The following ELF1 variants were observed in gnomAD, a reference collection of about 807,000 sequenced individuals.
The protein encoded by ELF1 is ETS-related transcription factor Elf-1.
In ELF1, 24 loss-of-function variants were observed where a neutral mutation model predicts 59.9. The observed-to-expected ratio is 0.40, with a 90% confidence interval of 0.29 to 0.56. The LOEUF (loss-of-function observed/expected upper bound fraction) is 0.56, where lower values mean the gene tolerates loss of function less well. ELF1 is among the 20% of genes least tolerant of loss of function. The probability of loss-of-function intolerance (pLI) is 0.44; values close to 1 mark genes in which losing one functional copy is unlikely to be tolerated. For synonymous variants in ELF1, 248 were observed against 266.2 expected, an observed-to-expected ratio of 0.93 and a Z score of 0.67; for missense variants, 627 against 742.2, an observed-to-expected ratio of 0.84 and a Z score of 1.80.
At chr13:40,962,678 T>TC (rs1871913865) in intron 2 of ELF1, among the ~76,000 whole-genome samples, 1 of 118,778 alleles carries the variant, frequency 8.4e-6, no homozygotes, top group African/African-American at 3.4e-5. Flanking sequence ...GAAGACTGTC[T>TC]CAAAAAAAAA....
At chr13:41,002,441 G>C (rs9566653) in intron 1 of ELF1, among the ~76,000 whole-genome samples, 30,487 of 151,718 alleles carry the variant, frequency 0.2, 4,458 homozygotes, top group African/African-American at 0.4. Context: ...CCAAGAATTC[G>C]AGACCAGCCT....
chr13:40,975,720 T>A (rs1872865022), intron 2 of ELF1, among the ~76,000 whole-genome samples: 1 of 152,192 alleles, frequency 6.6e-6, no homozygotes, highest in African/African-American at 2.4e-5. Context: ...GTGGGCAAGG[T>A]ATCACCCTCT....
intron 1 of ELF1, among the ~76,000 whole-genome samples, chr13:41,026,360 T>C (rs1248785517): frequency 6.6e-6 from 1 of 152,202 alleles, no homozygotes; most frequent in Non-Finnish European, 1.5e-5. Context: ...CATTCCTCAT[T>C]TGAGTGTTAC....
At chr13:40,949,132 C>A (rs1870685999) in intron 5 of ELF1, among the ~76,000 whole-genome samples, 1 of 151,864 alleles carries the variant, frequency 6.6e-6, no homozygotes, top group Non-Finnish European at 1.5e-5. Context: ...ATTACAGGCA[C>A]CTGTCAACAT....
chr13:41,042,070 T>C (rs1206597585), intron 1 of ELF1, among the ~76,000 whole-genome samples: 1 of 152,204 alleles, frequency 6.6e-6, no homozygotes, highest in East Asian at 1.9e-4. Flanking sequence ...TCACACAGGC[T>C]GGAGTGCAGT....
chr13:40,995,324 A>AACTCC (rs1339144167), intron 1 of ELF1, among the ~76,000 whole-genome samples: 1 of 152,170 alleles, frequency 6.6e-6, no homozygotes, highest in African/African-American at 2.4e-5. Context: ...CTACAGGCAA[A>AACTCC]ACTCCAAATG....
chr13:40,999,155 G>A (rs1874274794), intron 1 of ELF1, among the ~76,000 whole-genome samples: 1 of 152,196 alleles, frequency 6.6e-6, no homozygotes, highest in Non-Finnish European at 1.5e-5. Context: ...TCAGCACTGT[G>A]GAAAATATAA....
At chr13:41,036,292 T>C (rs1304374851) in intron 1 of ELF1, among the ~76,000 whole-genome samples, 1 of 152,340 alleles carries the variant, frequency 6.6e-6, no homozygotes. Context: ...GATTTTAGAC[T>C]CTGGCTTTAT....
chr13:40,936,440 C>G lies in ELF1; in HGVS notation c.1257-2412G>C, dbSNP rs61242690. On this transcript the variant is annotated intron_variant, in intron 8 of 8. Transcript: ENST00000239882. Reference sequence around the variant, plus strand: ...GGCTACCACTAGGACTTCGCTGCTTCTGTTTAAATTAGAAAAAGATGTCCT... The same window carrying G: ...GGCTACCACTAGGACTTCGCTGCTTGTGTTTAAATTAGAAAAAGATGTCCT... Among the ~76,000 whole-genome samples the G allele has an allele frequency of 7.0e-3, 1,068 of 152,228 alleles. 11 individuals are homozygous for G. Among genetic ancestry groups the G allele is most frequent in the African/African-American group, 0.025 (1,020 of 41,522 alleles).
At chr13:40,943,521 T>G (rs1457187574) in intron 6 of ELF1, among the ~76,000 whole-genome samples, 1 of 152,212 alleles carries the variant, frequency 6.6e-6, no homozygotes, top group Admixed American at 6.5e-5. Context: ...TGGGCAACAG[T>G]TATACAAATG....
intron 1 of ELF1, among the ~76,000 whole-genome samples, chr13:41,038,414 G>A (rs921117588): frequency 1.6e-4 from 24 of 152,172 alleles, no homozygotes; most frequent in Admixed American, 1.0e-3. Context: ...CTACTGGGGA[G>A]GCTGAGGCAG....
chr13:40,979,906 C>A (rs1445834985), intron 2 of ELF1, among the ~76,000 whole-genome samples: 1 of 152,106 alleles, frequency 6.6e-6, no homozygotes, highest in Non-Finnish European at 1.5e-5. Context: ...TAGGTGACTT[C>A]TTTTATTAAT....
chr13:40,957,530 A>C (rs1410648816), intron 3 of ELF1, among the ~76,000 whole-genome samples: 1 of 151,710 alleles, frequency 6.6e-6, no homozygotes, highest in African/African-American at 2.4e-5. Flanking sequence ...AAAGAAAAAA[A>C]AGAAAGTGTG....
upstream of ELF1, among the ~76,000 whole-genome samples, chr13:41,020,148 G>C: frequency 6.6e-6 from 1 of 152,210 alleles, no homozygotes; most frequent in East Asian, 1.9e-4. Context: ...TTGTGGCAAG[G>C]CCAACCTAAG....
intron 8 of ELF1, among the ~76,000 whole-genome samples, chr13:40,939,889 G>A (rs1420445398): frequency 1.3e-5 from 2 of 152,160 alleles, no homozygotes; most frequent in Non-Finnish European, 2.9e-5. Context: ...GTTAAAAGAT[G>A]TAGCATCCAA....
intron 2 of ELF1, among the ~76,000 whole-genome samples, chr13:40,968,321 C>A (rs201519386): frequency 8.5e-5 from 13 of 152,118 alleles, no homozygotes; most frequent in African/African-American, 2.4e-4. Context: ...TAAACACACA[C>A]AAAAAATTAG....
At chr13:41,040,517 G>T (rs947847100) in intron 1 of ELF1, among the ~76,000 whole-genome samples, 2 of 152,116 alleles carry the variant, frequency 1.3e-5, no homozygotes, top group African/African-American at 4.8e-5. Context: ...TTTCACGGAT[G>T]GGGGGCAGGG....
chr13:41,011,557 C>G (rs1297481137), intron 1 of ELF1, among the ~76,000 whole-genome samples: 1 of 152,124 alleles, frequency 6.6e-6, no homozygotes, highest in Non-Finnish European at 1.5e-5. Context: ...GATCCTCCCA[C>G]CTCAGCTCCC....
chr13:41,050,017 T>C (rs1426434565), intron 1 of ELF1, among the ~76,000 whole-genome samples: 1 of 152,200 alleles, frequency 6.6e-6, no homozygotes, highest in Non-Finnish European at 1.5e-5. Context: ...TTTTTAAAAT[T>C]ATTTAATTGG....
Sources: allele counts gnomAD v4.1 joint callset (sites outside exome capture counted in the v4.1 genomes callset), GRCh38; gene constraint gnomAD v4.1.1; transcripts MANE v1.5; gene names NCBI Gene and HGNC (gene_info 2026-07-23, HGNC 2026-07-21).